Variants in PRKDC observed in about 807,000 individuals in gnomAD.
PRKDC encodes the protein protein kinase, DNA-activated, catalytic subunit.
Under a neutral mutation model 486.9 loss-of-function variants are expected in PRKDC, and 82 were observed. That is an observed-to-expected ratio of 0.17 (90% CI 0.14 to 0.20). The LOEUF is 0.20. PRKDC is among the 10% of genes least tolerant of loss of function. The pLI, the probability that PRKDC is intolerant of heterozygous loss-of-function variation, is 1.00. For missense variants in PRKDC, 4,504 were observed against 5,038.2 expected, an observed-to-expected ratio of 0.89 and a Z score of 3.21; for synonymous variants, 1,895 against 1,837.0, an observed-to-expected ratio of 1.03 and a Z score of -0.81.
intron 64 of PRKDC, among the ~76,000 whole-genome samples, chr8:47,822,013 T>C (rs2087609401): frequency 6.6e-6 from 1 of 152,220 alleles, no homozygotes; most frequent in Non-Finnish European, 1.5e-5. Flanking sequence ...CTGGGCACGC[T>C]GGCTCACGCC....
Position 47,933,014 on chromosome 8 carries a change from T to C in PRKDC, c.1776+6A>G. 6.4e-7 allele frequency: 1 copy of C among 1,573,352 alleles called. No homozygotes were observed. Among genetic ancestry groups the C allele is most frequent in the Non-Finnish European group, 8.6e-7 (1 of 1,164,944 alleles). On this transcript the variant is annotated splice_donor_region_variant and intron_variant, in intron 16 of 85. Transcript: ENST00000314191. ...TGAAAAATTACTACTGATAAAAATTTCTAACCTCTTGTTCCCCAACAGTCT... is the reference window on the plus strand; with the variant it reads ...TGAAAAATTACTACTGATAAAAATTCCTAACCTCTTGTTCCCCAACAGTCT...
intron 40 of PRKDC, among the ~76,000 whole-genome samples, chr8:47,870,878 G>C (rs2154501003): frequency 6.6e-6 from 1 of 152,182 alleles, no homozygotes; most frequent in African/African-American, 2.4e-5. Context: ...ATTAAACAAA[G>C]AGATTGAAAA....
intron 11 of PRKDC, 104 bp from the exon 12 acceptor site, chr8:47,936,621 G>A: frequency 2.9e-6 from 4 of 1,370,720 alleles, no homozygotes; most frequent in Non-Finnish European, 4.0e-6. Flanking sequence ...AGTTTAACAA[G>A]GCTTCTTTTT....
At chr8:47,805,836 C>T (rs2087204704) in intron 69 of PRKDC, among the ~76,000 whole-genome samples, 1 of 152,134 alleles carries the variant, frequency 6.6e-6, no homozygotes, top group African/African-American at 2.4e-5. Flanking sequence ...TCAGGTTCTC[C>T]TGGATCTCCT....
intron 21 of PRKDC, among the ~76,000 whole-genome samples, chr8:47,925,835 G>T (rs1320687876): frequency 6.6e-6 from 1 of 152,172 alleles, no homozygotes; most frequent in Non-Finnish European, 1.5e-5. Flanking sequence ...TTAATAACTG[G>T]TGAATCTAGA....
chr8:47,927,915 G>A (rs2090180058), intron 19 of PRKDC, 25 bp from the exon 20 acceptor site: 2 of 1,499,482 alleles, frequency 1.3e-6, no homozygotes, highest in Non-Finnish European at 1.8e-6. Context: ...AGACAGTAAT[G>A]TATATCTGAA....
intron 71 of PRKDC, 90 bp downstream of exon 71, chr8:47,800,703 A>G: frequency 1.7e-6 from 2 of 1,198,966 alleles, no homozygotes; most frequent in Non-Finnish European, 2.2e-6. Flanking sequence ...AACACAAAGC[A>G]ACATCCTTAT....
At position 47,782,690 on chromosome 8, in the gene PRKDC, G is replaced by A. The variant is rs2154497525; in HGVS notation, c.11176-92C>T. On this transcript the variant is annotated intron_variant, in intron 78 of 85. Transcript: ENST00000314191. The surrounding 1 kb of genome is among the most constrained non-coding windows in gnomAD (Gnocchi z 4.9). Reference sequence around the variant, plus strand: ...AGAGTGGCTGTGAGCATTCCTCCGTGGGGCCGCCCTCTGAAGACAGTGCCA... The same window carrying A: ...AGAGTGGCTGTGAGCATTCCTCCGTAGGGCCGCCCTCTGAAGACAGTGCCA... 1.4e-6 allele frequency: 2 copies of A among 1,382,680 alleles called. No individual in the cohort carries two copies. Among genetic ancestry groups the A allele is most frequent in the South Asian group, 2.7e-5 (2 of 74,798 alleles). The allele number at this position is 1,382,680 out of a possible 1,614,324, so 85.7% of individuals were successfully genotyped here.
chr8:47,862,599 C>T (rs2088702009), intron 42 of PRKDC, 58 bp from the exon 43 acceptor site: 11 of 1,484,492 alleles, frequency 7.4e-6, no homozygotes, highest in African/African-American at 1.4e-5. Context: ...ACTGCTCAAG[C>T]CCAACAATGC....
rs756374937 is a variant in PRKDC at position 47,857,200 on chromosome 8, T to C, written c.6565A>G (p.Ile2189Val). ...GTCCATGAAAGAATAGTGGCCACTA[T>C]CTCAACCACCATGTAGTGAATTCCT... ...GEGIHYMVVEIVATILSWTGL... is the reference protein window; with the variant it reads ...GEGIHYMVVEVVATILSWTGL... Residue 2189 changes from isoleucine to valine, a missense_variant, in exon 49 of 86, where the codon ATA becomes GTA. Around this residue, in one of 6 missense-constraint regions of PRKDC, gnomAD observed 1,592 missense variants for 1,724.6 expected, o/e 0.92. Transcript: ENST00000314191. The C allele has an allele frequency of 1.2e-6, 2 of 1,614,042 alleles. No homozygotes were observed. Among genetic ancestry groups the C allele is most frequent in the East Asian group, 2.2e-5 (1 of 44,886 alleles).
intron 67 of PRKDC, 55 bp from the exon 68 acceptor site, chr8:47,817,616 G>A (rs2154498845): frequency 8.8e-7 from 1 of 1,130,868 alleles, no homozygotes. Flanking sequence ...AAGATCAAAT[G>A]ACAAAGGTCA....
chr8:47,892,867 G>A (rs2089492689), intron 31 of PRKDC, among the ~76,000 whole-genome samples: 1 of 152,020 alleles, frequency 6.6e-6, no homozygotes, highest in South Asian at 2.1e-4. Flanking sequence ...TTTTTTTTAA[G>A]TAATATTAAC....
At chr8:47,830,913 T>C (rs1025606311) in intron 60 of PRKDC, among the ~76,000 whole-genome samples, 177 bp from the exon 61 acceptor site, 5 of 152,074 alleles carry the variant, frequency 3.3e-5, no homozygotes, top group African/African-American at 2.4e-5. Flanking sequence ...GCATCCAAAA[T>C]AAAATCACTA....
In PRKDC at chr8:47,831,887, C is replaced by G. The variant is rs773606420; in HGVS notation, c.8192G>C (p.Arg2731Pro). ...GAGCTTCTCCTGGTCCCTCATAAAC[C>G]GTCTGCGCAGTCGTAGTAGGTCCGT... ...GRTDLLRLRR[R>P]FMRDQEKLSL... The change falls in exon 60 of 86, where the codon CGG (arginine) becomes CCG (proline). Residue 2731 changes from arginine to proline, a missense_variant. Arg to Pro is a moderately radical substitution (Grantham distance 103). Transcript: ENST00000314191. 3.7e-6 allele frequency: 6 copies of G among 1,613,860 alleles called. No individual in the cohort carries two copies. The African/African-American group carries it at 6.7e-5, about 18-fold the overall frequency.
chr8:47,833,884 C>G (rs182013693), intron 59 of PRKDC, among the ~76,000 whole-genome samples: 1 of 152,302 alleles, frequency 6.6e-6, no homozygotes, highest in African/African-American at 2.4e-5. Flanking sequence ...ATTAAGCCCT[C>G]TAGCCCTAGA....
chr8:47,936,309 T>G, intron 12 of PRKDC, 44 bp downstream of exon 12: 1 of 1,546,676 alleles, frequency 6.5e-7, no homozygotes, highest in Non-Finnish European at 8.7e-7. Flanking sequence ...TTTGAAGAAA[T>G]GAAGATTAAA....
At chr8:47,839,799 C>T (rs2088103149) in intron 55 of PRKDC, among the ~76,000 whole-genome samples, 1 of 151,962 alleles carries the variant, frequency 6.6e-6, no homozygotes, top group African/African-American at 2.4e-5. Context: ...AAGGTGAAAC[C>T]CCGTCTCCAC....
intron 63 of PRKDC, among the ~76,000 whole-genome samples, chr8:47,826,174 G>C (rs569804261): frequency 6.6e-6 from 1 of 152,212 alleles, no homozygotes; most frequent in Non-Finnish European, 1.5e-5. Context: ...TGAGATCACA[G>C]AGAAGGGAAG....
rs780243822 is a variant in PRKDC, at chr8:47,782,188, G to A, written c.11463C>T (p.Ser3821=). Residue 3821 remains serine (S), a synonymous_variant, in exon 80 of 86, where the codon TCC becomes TCT. Transcript: ENST00000314191. This position sits in a 1 kb window ranked among gnomAD's most constrained non-coding sequence, Gnocchi z 4.9. ...TLKDLLLNTM[S]QEEKAAYLSD... is the part of the protein sequence containing the mutation. ...TCAGGTAAGCCGCCTTCTCCTCTTG[G>A]GACATGGTGTTCAAAAGAAGGTCCT... The A allele has an allele frequency of 1.9e-6, 3 of 1,613,830 alleles. No individual in the cohort carries two copies. The African/African-American group carries it at 4.0e-5, about 22-fold the overall frequency.
Sources: allele counts gnomAD v4.1 joint callset (sites outside exome capture counted in the v4.1 genomes callset), GRCh38; gene constraint gnomAD v4.1.1; regional missense constraint gnomAD v4.1.1; non-coding constraint Gnocchi (gnomAD v3.1); transcripts MANE v1.5; gene names NCBI Gene and HGNC (gene_info 2026-07-23, HGNC 2026-07-21).